PCSK6: variants seen among roughly 807,000 people sequenced by gnomAD.
The protein encoded by PCSK6 is proprotein convertase subtilisin/kexin type 6.
PCSK6 carries 85 observed loss-of-function variants against 123.3 expected under a neutral mutation model. That is an observed-to-expected ratio of 0.69 (90% confidence interval 0.58 to 0.83). The LOEUF is 0.83. Ranked by LOEUF, PCSK6 falls within the 40% of genes least tolerant of loss-of-function variation. PCSK6 has a pLI of 0.00. For missense variants in PCSK6, 1,191 were observed against 1,282.3 expected (o/e 0.93, Z 1.09); for synonymous variants, 508 against 516.0 (o/e 0.98, Z 0.21).
chr15:101,475,672 G>A (rs1396440338), intron 1 of PCSK6, among the ~76,000 whole-genome samples: 12 of 36,454 alleles, frequency 3.3e-4, no homozygotes, highest in African/African-American at 1.3e-3. Context: ...TTTTTTTTTT[G>A]TAGAGTCAGG....
At chr15:101,458,299 A>G (rs1426768380) in intron 1 of PCSK6, among the ~76,000 whole-genome samples, 3 of 152,168 alleles carry the variant, frequency 2.0e-5, no homozygotes, top group African/African-American at 7.2e-5. Flanking sequence ...GCTTTGCCCC[A>G]GTGGGTTTGA....
intron 1 of PCSK6, among the ~76,000 whole-genome samples, chr15:101,458,935 G>T (rs575619687): frequency 1.3e-5 from 2 of 152,246 alleles, no homozygotes; most frequent in South Asian, 4.2e-4. Flanking sequence ...CCGACATCCC[G>T]CAAGCATGCT....
intron 6 of PCSK6, among the ~76,000 whole-genome samples, chr15:101,423,146 G>A (rs966579866): frequency 1.3e-5 from 2 of 152,062 alleles, no homozygotes; most frequent in Admixed American, 1.3e-4. Flanking sequence ...ATGTTAAAGA[G>A]TCTAGAATAA....
At chr15:101,435,839 G>T (rs4965868) in intron 2 of PCSK6, among the ~76,000 whole-genome samples, 52,802 of 151,828 alleles carry the variant, frequency 0.35, 9,869 homozygotes, top group African/African-American at 0.49. Context: ...CCCAGGAGGG[G>T]GCCCTGCCCG....
chr15:101,347,746 G>T (rs765878646), intron 13 of PCSK6: 1 of 1,613,852 alleles, frequency 6.2e-7, no homozygotes, highest in Non-Finnish European at 8.5e-7. Context: ...TGTTCAATCT[G>T]CCACCGGAAC....
At position 101,331,618 on chromosome 15, in the gene PCSK6, T is replaced by A. The variant is rs760419483; in HGVS notation, c.2077+33A>T. The A allele has an allele frequency of 4.5e-5, 73 of 1,606,538 alleles. No homozygotes were observed. In the East Asian group the frequency reaches 1.4e-3, roughly 31 times the overall value. The stretch of plus-strand genomic sequence containing the variant: ...ACCCTGCTCTCCCAGCTGGGAAGGT[T>A]GGAAAATACTTACTGGTTTGAAGCA... On this transcript the variant is annotated intron_variant, in intron 15 of 21. Coordinates refer to ENST00000611716, the MANE Select transcript of PCSK6 (RefSeq NM_002570.5).
chr15:101,403,143 T>C lies in PCSK6; in HGVS notation c.824-4567A>G, dbSNP rs1043775858. 2.4e-4 allele frequency among the ~76,000 whole-genome samples: 36 copies of C among 151,346 alleles called. 1 individual carries two copies. In the East Asian group the frequency reaches 4.5e-3, roughly 19 times the overall value. ...GTAGGGACATGGATGAAACTGGAAA[T>C]CATCATTCTCAGTAAACTATCGCAA... On this transcript the variant is annotated intron_variant, in intron 6 of 21. Transcript: ENST00000611716.
chr15:101,417,727 C>T (rs895511905), intron 6 of PCSK6, among the ~76,000 whole-genome samples: 82 of 151,952 alleles, frequency 5.4e-4, no homozygotes, highest in Admixed American at 1.3e-3. Flanking sequence ...AATTAGAACA[C>T]AGCAACAACA....
intron 5 of PCSK6, 126 bp downstream of exon 5, chr15:101,429,861 G>T: frequency 3.9e-6 from 3 of 775,654 alleles, no homozygotes; most frequent in African/African-American, 1.7e-5. Flanking sequence ...GGAGAAGCCT[G>T]CCTCGCGCCC....
Position 101,370,583 on chromosome 15 carries a change from G to A in PCSK6, c.1533-60C>T, listed in dbSNP as rs1025985525. The A allele has an allele frequency of 2.9e-6, 4 of 1,369,530 alleles. No individual in the cohort carries two copies. In the African/African-American group the frequency reaches 4.4e-5, roughly 15 times the overall value. The allele number at this position is 1,369,530 out of a possible 1,614,324, so 84.8% of individuals were successfully genotyped here. ...GGAAGCATGAAGTCTCACCCACACA[G>A]CCAGGAGCTCCAGCGCCCGTCCACT... On this transcript the variant is annotated intron_variant, in intron 11 of 21. Coordinates refer to ENST00000611716, the MANE Select transcript of PCSK6 (RefSeq NM_002570.5).
At position 101,379,074 on chromosome 15, in the gene PCSK6, C is replaced by T. The variant is rs551196380; in HGVS notation, c.1532+3018G>A. Among the ~76,000 whole-genome samples, 331 of 152,344 alleles carry T rather than the reference C, an allele frequency of 2.2e-3. 2 individuals carry two copies. Among genetic ancestry groups the T allele is most frequent in the Non-Finnish European group, 3.2e-3 (217 of 68,024 alleles). ...CTCCGCAGGGGGACACCATGGGTGACGGGGCACCAGCTCTGTGCAGTCATT... is the reference window on the plus strand; with the variant it reads ...CTCCGCAGGGGGACACCATGGGTGATGGGGCACCAGCTCTGTGCAGTCATT... On this transcript the variant is annotated intron_variant, in intron 11 of 21. Transcript: ENST00000611716.
At chr15:101,411,193 G>A (rs1212972350) in intron 6 of PCSK6, among the ~76,000 whole-genome samples, 1 of 152,202 alleles carries the variant, frequency 6.6e-6, no homozygotes, top group South Asian at 2.1e-4. Flanking sequence ...GGACTTCTGA[G>A]TGGGGAACAA....
chr15:101,430,172 T>C, intron 4 of PCSK6, 109 bp from the exon 5 acceptor site: 1 of 776,260 alleles, frequency 1.3e-6, no homozygotes, highest in Non-Finnish European at 2.3e-6. Context: ...GGGGCTCCTC[T>C]CTTACTATAG....
At chr15:101,317,639 T>G (rs1410422558) in intron 19 of PCSK6, among the ~76,000 whole-genome samples, 1 of 152,174 alleles carries the variant, frequency 6.6e-6, no homozygotes, top group Admixed American at 6.5e-5. Flanking sequence ...GTTTATGGTG[T>G]TGTGTTTCTG....
At chr15:101,321,890 G>C (rs1018167979) in intron 18 of PCSK6, among the ~76,000 whole-genome samples, 3 of 152,262 alleles carry the variant, frequency 2.0e-5, no homozygotes, top group Non-Finnish European at 4.4e-5. Flanking sequence ...AATGTTCTAA[G>C]ATTTTAGACA....
At chr15:101,429,852 G>A in intron 5 of PCSK6, 135 bp downstream of exon 5, 2 of 722,238 alleles carry the variant, frequency 2.8e-6, no homozygotes, top group Non-Finnish European at 2.4e-6. Flanking sequence ...GTGACTCCTG[G>A]AGAAGCCTGC....
chr15:101,454,876 C>T (rs572596573), intron 1 of PCSK6, among the ~76,000 whole-genome samples: 3 of 152,040 alleles, frequency 2.0e-5, no homozygotes, highest in South Asian at 2.1e-4. Context: ...ACCCAGGAGG[C>T]GGAGGTTGCA....
At chr15:101,456,510 T>C (rs1411527942) in intron 1 of PCSK6, among the ~76,000 whole-genome samples, 1 of 152,068 alleles carries the variant, frequency 6.6e-6, no homozygotes, top group Non-Finnish European at 1.5e-5. Flanking sequence ...ATTTTAGACA[T>C]GAGGGACCCA....
At chr15:101,488,928 G>C (rs2058087420) in intron 1 of PCSK6, among the ~76,000 whole-genome samples, 1 of 149,900 alleles carries the variant, frequency 6.7e-6, no homozygotes, top group Non-Finnish European at 1.5e-5. Context: ...CGCGCCGCCC[G>C]TCGAGGGCAG....
Sources: allele counts gnomAD v4.1 joint callset (sites outside exome capture counted in the v4.1 genomes callset), GRCh38; gene constraint gnomAD v4.1.1; transcripts MANE v1.5; gene names NCBI Gene and HGNC (gene_info 2026-07-23, HGNC 2026-07-21).